Variants in LRMDA observed in about 807,000 individuals in gnomAD.
LRMDA encodes leucine rich melanocyte differentiation associated, also known as leucine-rich melanocyte differentiation-associated protein.
In LRMDA, 18 loss-of-function variants were observed where a neutral mutation model predicts 29.8. The observed-to-expected ratio is 0.60, with a 90% CI of 0.42 to 0.90. The LOEUF is 0.90. Ranked by LOEUF, LRMDA falls within the 40% of genes least tolerant of loss-of-function variation. The pLI, the probability that LRMDA is intolerant of heterozygous loss-of-function variation, is 0.00. For synonymous variants in LRMDA, 125 were observed against 109.4 expected (o/e 1.14, Z -0.89); for missense variants, 273 against 273.9 (o/e 1.00, Z 0.02).
intron 5 of LRMDA, among the ~76,000 whole-genome samples, chr10:76,180,989 G>A (rs970860333): frequency 1.3e-5 from 2 of 152,146 alleles, no homozygotes; most frequent in African/African-American, 4.8e-5. Flanking sequence ...TGGGCTGGGT[G>A]CTGTCAGCTT....
chr10:76,047,642 G>A (rs59319661), intron 4 of LRMDA, among the ~76,000 whole-genome samples: 3,148 of 152,244 alleles, frequency 0.021, 122 homozygotes, highest in African/African-American at 0.072. Flanking sequence ...GAACAAATGG[G>A]CATGGCTTTG....
At chr10:76,343,980 G>A (rs1048556699) in intron 6 of LRMDA, among the ~76,000 whole-genome samples, 1 of 151,910 alleles carries the variant, frequency 6.6e-6, no homozygotes, top group Non-Finnish European at 1.5e-5. Flanking sequence ...ACCACGCCTG[G>A]CTAATTTTTT....
At chr10:75,697,850 T>TGTGTGTGTGTGTGTGTGTGTGCGCGC in intron 2 of LRMDA, among the ~76,000 whole-genome samples, 1 of 151,586 alleles carries the variant, frequency 6.6e-6, no homozygotes, top group Non-Finnish European at 1.5e-5. Flanking sequence ...TGTGTGTGTG[T>TGTGTGTGTGTGTGTGTGTGTGCGCGC]GCGTGTGTGT....
chr10:75,474,620 A>G (rs1374140691), intron 2 of LRMDA, among the ~76,000 whole-genome samples: 1 of 152,356 alleles, frequency 6.6e-6, no homozygotes, highest in East Asian at 1.9e-4. Context: ...ACTTGCTACT[A>G]CAACAGACCC....
intron 6 of LRMDA, among the ~76,000 whole-genome samples, chr10:76,535,011 A>T (rs981762612): frequency 6.6e-6 from 1 of 152,168 alleles, no homozygotes; most frequent in Non-Finnish European, 1.5e-5. Context: ...CCAGCAGATT[A>T]TAGTGTCTGT....
intron 2 of LRMDA, among the ~76,000 whole-genome samples, chr10:75,530,836 C>T (rs535413900): frequency 6.6e-6 from 1 of 152,282 alleles, no homozygotes; most frequent in Non-Finnish European, 1.5e-5. Flanking sequence ...AGGACAGGAT[C>T]TCAGAAAACC....
intron 5 of LRMDA, among the ~76,000 whole-genome samples, chr10:76,287,034 T>C (rs996003325): frequency 2.6e-5 from 4 of 152,138 alleles, no homozygotes. Context: ...ATGATATAAT[T>C]ATTTATGCTG....
intron 2 of LRMDA, among the ~76,000 whole-genome samples, chr10:75,783,551 A>T (rs1232554184): frequency 6.6e-6 from 1 of 151,726 alleles, no homozygotes; most frequent in Non-Finnish European, 1.5e-5. Flanking sequence ...TCTACTACCT[A>T]GCATGCTGTT....
chr10:75,995,790 G>A (rs1847451620), intron 2 of LRMDA, among the ~76,000 whole-genome samples: 3 of 152,124 alleles, frequency 2.0e-5, no homozygotes, highest in Non-Finnish European at 4.4e-5. Context: ...ATTGTGATGT[G>A]TGGGTCACTT....
At chr10:75,850,314 A>G (rs1272069095) in intron 2 of LRMDA, among the ~76,000 whole-genome samples, 1 of 152,236 alleles carries the variant, frequency 6.6e-6, no homozygotes, top group Non-Finnish European at 1.5e-5. Flanking sequence ...TAGTAGGGCT[A>G]TTGTGAAAAT....
intron 5 of LRMDA, among the ~76,000 whole-genome samples, chr10:76,114,620 G>T (rs1166992289): frequency 6.6e-6 from 1 of 152,168 alleles, no homozygotes; most frequent in African/African-American, 2.4e-5. Context: ...TACATAGGTA[G>T]GAGAGTCCCC....
chr10:75,847,546 A>G (rs539872950), intron 2 of LRMDA, among the ~76,000 whole-genome samples: 33 of 152,308 alleles, frequency 2.2e-4, no homozygotes, highest in African/African-American at 7.7e-4. Context: ...CAAAGGAACA[A>G]TTAACAGAAC....
chr10:76,421,534 T>C (rs1436433037), intron 6 of LRMDA, among the ~76,000 whole-genome samples: 2 of 152,216 alleles, frequency 1.3e-5, no homozygotes, highest in African/African-American at 4.8e-5. Flanking sequence ...ACATTTAATA[T>C]AGCTTCCTTG....
chr10:76,341,931 C>T (rs911678352), intron 6 of LRMDA, among the ~76,000 whole-genome samples: 5 of 152,128 alleles, frequency 3.3e-5, no homozygotes, highest in Admixed American at 6.6e-5. Context: ...CTGTTCATTA[C>T]GGTAGTTACA....
At chr10:75,924,398 G>T (rs1846082654) in intron 2 of LRMDA, among the ~76,000 whole-genome samples, 1 of 152,138 alleles carries the variant, frequency 6.6e-6, no homozygotes, top group Admixed American at 6.5e-5. Flanking sequence ...AAAAAGCAAA[G>T]GATTTAACAA....
At chr10:76,142,637 A>G (rs576215588) in intron 5 of LRMDA, among the ~76,000 whole-genome samples, 11 of 151,734 alleles carry the variant, frequency 7.2e-5, no homozygotes, top group African/African-American at 2.7e-4. Context: ...CATCATATTC[A>G]AGTGCAACAG....
intron 2 of LRMDA, among the ~76,000 whole-genome samples, chr10:75,750,754 G>A (rs1435084981): frequency 2.7e-5 from 4 of 150,714 alleles, no homozygotes; most frequent in Non-Finnish European, 3.0e-5. Context: ...CATCCCAGAC[G>A]ATGGGCGGCC....
At chr10:76,466,764 C>T (rs1407711050) in intron 6 of LRMDA, among the ~76,000 whole-genome samples, 3 of 152,076 alleles carry the variant, frequency 2.0e-5, no homozygotes, top group East Asian at 3.9e-4. Context: ...TGCACTCCAG[C>T]CTGGGTGACA....
Position 75,956,521 on chromosome 10 carries a change from T to A in LRMDA, c.132-79487T>A, listed in dbSNP as rs535735155. Among the ~76,000 whole-genome samples the A allele has an allele frequency of 1.1e-4, 16 of 152,318 alleles. No homozygotes were observed. The South Asian group carries it at 3.1e-3, about 30-fold the overall frequency. On this transcript the variant is annotated intron_variant, in intron 2 of 6. Transcript: ENST00000611255. ...TCTGAAACTCAAAATGGGAATTGGA[T>A]GTCTGAGCCCCCTTTATTCTACCAC...
Sources: gnomAD v4.1 joint callset for allele counts (sites outside exome capture counted in the v4.1 genomes callset) on GRCh38, gnomAD v4.1.1 for gene constraint, MANE v1.5 for transcripts, NCBI Gene and HGNC (gene_info 2026-07-23, HGNC 2026-07-21) for gene names.